The following EYS variants were observed in gnomAD, a reference collection of about 807,000 sequenced individuals.
EYS encodes EGF-like photoreceptor maintenance factor, also known as protein eyes shut homolog.
In EYS, 250 loss-of-function variants were observed where a neutral mutation model predicts 282.1. That is an observed-to-expected ratio of 0.89 (90% CI 0.80 to 0.98). EYS has a LOEUF of 0.98. Among genes scored for constraint, EYS ranks in the 50% least tolerant of loss-of-function variants. The probability of loss-of-function intolerance (pLI) is 0.00; values close to 1 mark genes in which losing one functional copy is unlikely to be tolerated. For missense variants in EYS, 4,016 were observed against 3,709.0 expected, an observed-to-expected ratio of 1.08 and a Z score of -2.15; for synonymous variants, 1,355 against 1,282.9, an observed-to-expected ratio of 1.06 and a Z score of -1.20.
At chr6:64,824,323 A>G (rs374976527) in intron 19 of EYS, among the ~76,000 whole-genome samples, 4 of 151,986 alleles carry the variant, frequency 2.6e-5, no homozygotes, top group Non-Finnish European at 5.9e-5. Context: ...TTGTAACAAT[A>G]AAATTGAGTA....
chr6:65,003,468 G>T lies in EYS; in HGVS notation c.2138-5765C>A, dbSNP rs904888581. 3.3e-4 allele frequency among the ~76,000 whole-genome samples: 49 copies of T among 147,554 alleles called. 7 individuals carry two copies. The highest frequency in any genetic ancestry group is 4.9e-5 in the African/African-American group (2 of 41,204). On this transcript the variant is annotated intron_variant, in intron 13 of 42. Coordinates refer to ENST00000503581, the MANE Select transcript of EYS (RefSeq NM_001142800.2). ...AATTTTAATTTCACCTCAGTCCTGT[G>T]GTCCTGTGATCTTGCCCTGCCTCCA...
intron 37 of EYS, among the ~76,000 whole-genome samples, chr6:63,804,039 A>G (rs1218284117): frequency 2.4e-4 from 37 of 152,062 alleles, no homozygotes; most frequent in Admixed American, 2.4e-3. Context: ...TTCTTGAGAC[A>G]GAGTTTTGCT....
In EYS at chr6:64,675,257, C is replaced by T. The variant is rs73440824; in HGVS notation, c.3444-49012G>A. Among the ~76,000 whole-genome samples the T allele has an allele frequency of 4.9e-3, 746 of 152,196 alleles. 4 individuals carry two copies. Among genetic ancestry groups the T allele is most frequent in the Middle Eastern group, 0.017 (5 of 294 alleles). On this transcript the variant is annotated intron_variant, in intron 22 of 42. Coordinates refer to ENST00000503581, the MANE Select transcript of EYS (RefSeq NM_001142800.2). ...CACTCCTACACTCGGTATCTTCTAT[C>T]ATGTACCATCTGTTCACTATAATGT...
chr6:64,675,839 C>T (rs1769641866), intron 22 of EYS, among the ~76,000 whole-genome samples: 1 of 151,520 alleles, frequency 6.6e-6, no homozygotes, highest in South Asian at 2.1e-4. Context: ...AGTTACTTAA[C>T]TACTTAATCC....
rs1766373178 is a variant in EYS at position 64,590,583 on chromosome 6, AAT to A, written c.5282_5283del (p.Tyr1761PhefsTer8). 2 of 1,551,368 alleles carry A rather than the reference AAT, an allele frequency of 1.3e-6. No individual in the cohort carries two copies. Among genetic ancestry groups the A allele is most frequent in the Non-Finnish European group, 1.7e-6 (2 of 1,146,768 alleles). ...QIYPDVTLKT[Y>X]SEITHANDFK... ...AAGTCATTTGCATGTGTAATTTCTG[AAT>A]ATGTCTTTAAAGTAACATCCGGATA... On this transcript the variant is annotated frameshift_variant, in exon 26 of 43. Coordinates refer to ENST00000503581, the MANE Select transcript of EYS (RefSeq NM_001142800.2). LOFTEE classifies it high-confidence loss of function.
intron 41 of EYS, among the ~76,000 whole-genome samples, chr6:63,728,505 G>A (rs989577745): frequency 2.0e-5 from 3 of 152,248 alleles, no homozygotes; most frequent in Non-Finnish European, 4.4e-5. Flanking sequence ...CTCAACACAT[G>A]CGCAGCCTTC....
chr6:65,177,880 T>G (rs997382184), intron 12 of EYS, among the ~76,000 whole-genome samples: 1 of 151,984 alleles, frequency 6.6e-6, no homozygotes, highest in Admixed American at 6.6e-5. Flanking sequence ...GTTTTAGCAA[T>G]GTATAGCACC....
chr6:64,017,259 A>C (rs934035058), intron 33 of EYS, among the ~76,000 whole-genome samples: 1 of 152,012 alleles, frequency 6.6e-6, no homozygotes, highest in African/African-American at 2.4e-5. Flanking sequence ...CAGGGTACCT[A>C]GAAGAGAATT....
At chr6:64,340,842 C>A (rs1771074703) in intron 29 of EYS, among the ~76,000 whole-genome samples, 1 of 151,782 alleles carries the variant, frequency 6.6e-6, no homozygotes, top group Non-Finnish European at 1.5e-5. Flanking sequence ...TATCCAGAAT[C>A]TATCAATAAC....
chr6:63,925,425 A>C (rs980448260), intron 35 of EYS, among the ~76,000 whole-genome samples: 10 of 152,204 alleles, frequency 6.6e-5, no homozygotes, highest in African/African-American at 2.4e-4. Flanking sequence ...AACAATTTGA[A>C]CTCATTTTAC....
chr6:65,644,995 G>T (rs1767404054), intron 1 of EYS, among the ~76,000 whole-genome samples: 2 of 152,026 alleles, frequency 1.3e-5, no homozygotes, highest in African/African-American at 4.8e-5. Flanking sequence ...ATAACACAAT[G>T]AAACAAACAA....
chr6:64,303,103 T>C (rs1769292867), intron 30 of EYS, among the ~76,000 whole-genome samples: 1 of 152,208 alleles, frequency 6.6e-6, no homozygotes, highest in Non-Finnish European at 1.5e-5. Context: ...AATGTGTTAC[T>C]TGCTATGCTT....
chr6:65,427,796 A>T (rs976747213), intron 5 of EYS, among the ~76,000 whole-genome samples: 5 of 152,090 alleles, frequency 3.3e-5, no homozygotes, highest in Non-Finnish European at 7.4e-5. Context: ...TATAAAATGC[A>T]ATATATGATT....
At chr6:65,417,979 T>C (rs753771326) in intron 5 of EYS, among the ~76,000 whole-genome samples, 5 of 151,952 alleles carry the variant, frequency 3.3e-5, no homozygotes, top group Admixed American at 6.6e-5. Flanking sequence ...TCCATTCACA[T>C]CTCTTAATTT....
intron 18 of EYS, among the ~76,000 whole-genome samples, chr6:64,898,857 AG>A (rs1767559499): frequency 6.6e-6 from 1 of 151,938 alleles, no homozygotes; most frequent in Non-Finnish European, 1.5e-5. Context: ...AAAAAGACAA[AG>A]AAGGGCATTA....
intron 22 of EYS, among the ~76,000 whole-genome samples, chr6:64,742,570 G>A (rs1384904615): frequency 6.6e-6 from 1 of 152,222 alleles, no homozygotes; most frequent in Non-Finnish European, 1.5e-5. Flanking sequence ...TATGTTAAAT[G>A]TTCTTCACAT....
intron 30 of EYS, among the ~76,000 whole-genome samples, chr6:64,235,059 ATTTTTAT>A (rs1268486996): frequency 6.8e-6 from 1 of 146,794 alleles, no homozygotes; most frequent in Non-Finnish European, 1.5e-5. Context: ...TATTTTTTGT[ATTTTTAT>A]TTTTTATTTT....
intron 14 of EYS, among the ~76,000 whole-genome samples, chr6:64,986,858 TTATTA>T (rs563274095): frequency 2.9e-4 from 44 of 150,138 alleles, no homozygotes; most frequent in Middle Eastern, 3.5e-3. Context: ...TCTATTCCAT[TTATTA>T]TATTTAAGCC....
intron 22 of EYS, among the ~76,000 whole-genome samples, chr6:64,687,512 T>C (rs549066487): frequency 6.6e-6 from 1 of 152,306 alleles, no homozygotes; most frequent in South Asian, 2.1e-4. Context: ...ATTTATATGA[T>C]GGATTACATT....
Sources: allele counts gnomAD v4.1 joint callset (sites outside exome capture counted in the v4.1 genomes callset), GRCh38; gene constraint gnomAD v4.1.1; transcripts MANE v1.5; gene names NCBI Gene and HGNC (gene_info 2026-07-23, HGNC 2026-07-21).